The following VAMP7 variants were observed in gnomAD, a reference collection of about 807,000 sequenced individuals.
The protein encoded by VAMP7 is vesicle associated membrane protein 7, also known as vesicle-associated membrane protein 7.
VAMP7 carries 14 observed loss-of-function variants against 29.6 expected under a neutral mutation model. The observed-to-expected ratio is 0.47, with a 90% CI of 0.31 to 0.74. The LOEUF is 0.74. Ranked by LOEUF, VAMP7 falls within the 30% of genes least tolerant of loss-of-function variation. The pLI is 0.05. For synonymous variants in VAMP7, 95 were observed against 88.1 expected (o/e 1.08, Z -0.44); for missense variants, 223 against 262.4 (o/e 0.85, Z 1.04).
At chrX:155,928,919 C>A (rs1380266331) in intron 6 of VAMP7, among the ~76,000 whole-genome samples, 28 of 152,296 alleles carry the variant, frequency 1.8e-4, no homozygotes, top group Admixed American at 3.3e-4. Context: ...TCATCTACAT[C>A]ATCTTTCTCT....
intron 1 of VAMP7, among the ~76,000 whole-genome samples, chrX:155,884,912 T>TA (rs1447201296): frequency 6.6e-6 from 1 of 152,200 alleles, no homozygotes; most frequent in Non-Finnish European, 1.5e-5. Flanking sequence ...CCAAATTTTT[T>TA]AATACAGGCA....
chrX:155,937,145 A>G (rs2066672227), intron 6 of VAMP7, among the ~76,000 whole-genome samples: 1 of 152,200 alleles, frequency 6.6e-6, no homozygotes, highest in African/African-American at 2.4e-5. Context: ...AAGACATTAT[A>G]TTAAGTGAAA....
At chrX:155,891,481 A>AGTCATAT (rs1241221014) in intron 2 of VAMP7, among the ~76,000 whole-genome samples, 6 of 152,300 alleles carry the variant, frequency 3.9e-5, no homozygotes, top group African/African-American at 1.4e-4. Context: ...GTAAAAGATA[A>AGTCATAT]GTCATATGTT....
intron 6 of VAMP7, among the ~76,000 whole-genome samples, chrX:155,926,082 A>G (rs1352969761): frequency 2.6e-5 from 4 of 152,176 alleles, no homozygotes; most frequent in African/African-American, 9.7e-5. Context: ...TCAAGAGCAC[A>G]GGCAGAGTAT....
At chrX:155,885,491 T>A (rs1053601433) in intron 1 of VAMP7, among the ~76,000 whole-genome samples, 8 of 152,308 alleles carry the variant, frequency 5.3e-5, no homozygotes, top group Middle Eastern at 3.4e-3. Context: ...TGTTGTGGGT[T>A]GAATTGTGTC....
intron 5 of VAMP7, among the ~76,000 whole-genome samples, chrX:155,901,772 T>G (rs1490174696): frequency 6.6e-6 from 1 of 152,218 alleles, no homozygotes; most frequent in Non-Finnish European, 1.5e-5. Context: ...TTGGTTACTA[T>G]AGCCTTGTAG....
chrX:155,886,168 G>T (rs1192438161), intron 1 of VAMP7, among the ~76,000 whole-genome samples: 1 of 151,848 alleles, frequency 6.6e-6, no homozygotes, highest in Non-Finnish European at 1.5e-5. Flanking sequence ...TGGTTTATTA[G>T]GCATTTACAT....
chrX:155,889,207 G>C (rs1348863146), intron 1 of VAMP7, among the ~76,000 whole-genome samples: 1 of 151,008 alleles, frequency 6.6e-6, no homozygotes, highest in Non-Finnish European at 1.5e-5. Flanking sequence ...AGCTATCAAT[G>C]GTGTGTGTGT....
At chrX:155,903,676 G>C (rs1455913681) in intron 5 of VAMP7, among the ~76,000 whole-genome samples, 1 of 152,116 alleles carries the variant, frequency 6.6e-6, no homozygotes, top group Non-Finnish European at 1.5e-5. Flanking sequence ...ACACCAGTTA[G>C]AATGGCAGTC....
rs2066767502 is a variant in VAMP7, at chrX:155,942,874, A to AT, written c.*925dup. 1 of 151,946 alleles carries AT rather than the reference A, an allele frequency of 6.6e-6. No individual in the cohort carries two copies. Among genetic ancestry groups the AT allele is most frequent in the Admixed American group, 6.6e-5 (1 of 15,236 alleles). The allele number at this position is 151,946 out of a possible 1,614,324, so 9.4% of individuals were successfully genotyped here. On this transcript the variant is annotated 3_prime_UTR_variant, in exon 8 of 8. Coordinates refer to ENST00000286448, the MANE Select transcript of VAMP7 (RefSeq NM_005638.6). Reference sequence around the variant, plus strand: ...GAGGTAGTGTGGGAAAAGTGTTTCCATTCTGGGAAAAGCCCAAACCGAATA... The same window carrying AT: ...GAGGTAGTGTGGGAAAAGTGTTTCCATTTCTGGGAAAAGCCCAAACCGAATA...
In VAMP7 at chrX:155,910,372, T is replaced by G. The variant is rs369676439; in HGVS notation, c.434-9441T>G. Among the ~76,000 whole-genome samples, 9 of 152,350 alleles carry G rather than the reference T, an allele frequency of 5.9e-5. 1 individual carries two copies. The highest frequency in any genetic ancestry group is 2.2e-4 in the African/African-American group (9 of 41,590). The stretch of plus-strand genomic sequence containing the variant: ...ATTCATCCATTCATGGACACTTAGG[T>G]TGACTCCATATCTTTGCTATTGTGA... On this transcript the variant is annotated intron_variant, in intron 5 of 7. Transcript: ENST00000286448.
intron 6 of VAMP7, among the ~76,000 whole-genome samples, chrX:155,926,141 C>A (rs1252903722): frequency 2.0e-5 from 3 of 152,106 alleles, no homozygotes; most frequent in Non-Finnish European, 2.9e-5. Context: ...GGTAAATTAC[C>A]ATTGGCTTCA....
At chrX:155,900,467 T>C in intron 4 of VAMP7, 30 bp from the exon 5 acceptor site, 1 of 1,529,908 alleles carries the variant, frequency 6.5e-7, no homozygotes, top group Non-Finnish European at 8.9e-7. Flanking sequence ...AATGTCTAGG[T>C]ACCATAAGTT....
intron 5 of VAMP7, among the ~76,000 whole-genome samples, chrX:155,917,659 G>A (rs985292721): frequency 6.6e-6 from 1 of 152,244 alleles, no homozygotes; most frequent in African/African-American, 2.4e-5. Flanking sequence ...AAAGATTGCT[G>A]CCTGTTCCTT....
At chrX:155,934,504 CAGAGACT>C (rs2066616309) in intron 6 of VAMP7, among the ~76,000 whole-genome samples, 2 of 152,138 alleles carry the variant, frequency 1.3e-5, no homozygotes, top group African/African-American at 4.8e-5. Flanking sequence ...TCTGTTTTAT[CAGAGACT>C]AGGATTGCAA....
intron 6 of VAMP7, among the ~76,000 whole-genome samples, chrX:155,926,064 G>T (rs903349935): frequency 1.3e-5 from 2 of 152,138 alleles, no homozygotes; most frequent in Admixed American, 1.3e-4. Context: ...CAGGTTTGTT[G>T]TTCCATTTCA....
At chrX:155,923,989 C>G (rs1238946410) in intron 6 of VAMP7, among the ~76,000 whole-genome samples, 1 of 152,010 alleles carries the variant, frequency 6.6e-6, no homozygotes, top group Non-Finnish European at 1.5e-5. Context: ...GCATACTTTC[C>G]TCTACCTTGA....
rs1436179457 is a variant in VAMP7 at position 155,919,475 on chromosome X, G to T, written c.434-338G>T. Among the ~76,000 whole-genome samples the T allele has an allele frequency of 2.0e-5, 3 of 152,112 alleles. No individual in the cohort carries two copies. The East Asian group carries it at 5.8e-4, about 29-fold the overall frequency. On this transcript the variant is annotated intron_variant, in intron 5 of 7. Coordinates refer to ENST00000286448, the MANE Select transcript of VAMP7 (RefSeq NM_005638.6). ...ACTTTTTCTTGAGGATATATCTATG[G>T]TGTTGGTTGGGCAGGGCACTTAGAC...
At chrX:155,891,233 C>G (rs1490681286) in intron 2 of VAMP7, among the ~76,000 whole-genome samples, 1 of 152,226 alleles carries the variant, frequency 6.6e-6, no homozygotes, top group Non-Finnish European at 1.5e-5. Context: ...CTCTGTTACT[C>G]TGGAGGAAGT....
Sources: gnomAD v4.1 joint callset for allele counts (sites outside exome capture counted in the v4.1 genomes callset) on GRCh38, gnomAD v4.1.1 for gene constraint, MANE v1.5 for transcripts, NCBI Gene and HGNC (gene_info 2026-07-23, HGNC 2026-07-21) for gene names.